The following NAA11 variants were observed in gnomAD, a reference collection of about 807,000 sequenced individuals.
NAA11 encodes the protein N-alpha-acetyltransferase 11, NatA catalytic subunit.
In NAA11, 15 loss-of-function variants were observed where a neutral mutation model predicts 16.1. The ratio of observed to expected loss-of-function variants is 0.93; its 90% CI spans 0.62 to 1.44. NAA11 has a LOEUF of 1.44. NAA11 is among the 40% of genes most tolerant of loss of function. The pLI is 0.00. For missense variants in NAA11, 298 were observed against 291.3 expected (o/e 1.02, Z -0.17); for synonymous variants, 122 against 112.4 (o/e 1.09, Z -0.54).
At chr4:79,204,382 A>G in the NAA11 span, among the ~76,000 whole-genome samples, 1 of 151,860 alleles carries the variant, frequency 6.6e-6, no homozygotes, top group Admixed American at 6.6e-5. Flanking sequence ...ATGGTTAGCG[A>G]AAAATCAGGT....
At chr4:79,203,068 T>C in the NAA11 span, among the ~76,000 whole-genome samples, 1 of 151,350 alleles carries the variant, frequency 6.6e-6, no homozygotes, top group Admixed American at 6.6e-5. Context: ...TTTTCCGGAG[T>C]TTTTAAGTAT....
chr4:79,257,641 G>T (rs1440575807), intron 2 of NAA11, among the ~76,000 whole-genome samples: 1 of 151,356 alleles, frequency 6.6e-6, no homozygotes, highest in South Asian at 2.1e-4. Flanking sequence ...CATTCATTTT[G>T]GTGTTTGATC....
intron 2 of NAA11, among the ~76,000 whole-genome samples, chr4:79,287,356 T>A (rs1722965509): frequency 6.6e-6 from 1 of 152,096 alleles, no homozygotes; most frequent in African/African-American, 2.4e-5. Flanking sequence ...TAGGAAATCA[T>A]AACATCATAA....
chr4:79,260,764 T>G (rs1722230897), intron 2 of NAA11, among the ~76,000 whole-genome samples: 1 of 152,228 alleles, frequency 6.6e-6, no homozygotes, highest in Non-Finnish European at 1.5e-5. Context: ...TTTATAGTCC[T>G]CCAAATGAAG....
At chr4:79,307,019 T>TC (rs1210746202) in intron 1 of NAA11, 1 of 152,208 alleles carries the variant, frequency 6.6e-6, no homozygotes, top group African/African-American at 2.4e-5. Context: ...AACCCAAAAC[T>TC]CCAAGTTATT....
chr4:79,228,572 G>A (rs1721378756), intron 2 of NAA11, among the ~76,000 whole-genome samples: 1 of 105,436 alleles, frequency 9.5e-6, no homozygotes, highest in East Asian at 3.6e-4. Flanking sequence ...ATTGTATGTA[G>A]CTTTTTGTGT....
intron 2 of NAA11, among the ~76,000 whole-genome samples, chr4:79,264,355 A>G (rs1462315018): frequency 6.6e-6 from 1 of 152,190 alleles, no homozygotes; most frequent in Non-Finnish European, 1.5e-5. Flanking sequence ...AAAAATTTGT[A>G]TCATTACCGT....
In NAA11 at chr4:79,253,270, A is replaced by G. The variant is rs1722035012; in HGVS notation, c.*123-27000T>C. Among the ~76,000 whole-genome samples, 4 of 152,330 alleles carry G rather than the reference A, an allele frequency of 2.6e-5. No homozygotes were observed. In the South Asian group the frequency reaches 8.3e-4, roughly 32 times the overall value. Reference sequence around the variant, plus strand: ...TGTGTTACACTTAGATGCCTCTTAGATATTCAAATAGAGTCATCAAATAGG... The same window carrying G: ...TGTGTTACACTTAGATGCCTCTTAGGTATTCAAATAGAGTCATCAAATAGG... On this transcript the variant is annotated intron_variant and NMD_transcript_variant, in intron 2 of 2. Transcript: ENST00000511542.
chr4:79,256,670 TG>T (rs1722120171), intron 2 of NAA11, among the ~76,000 whole-genome samples: 1 of 46,910 alleles, frequency 2.1e-5, no homozygotes, highest in African/African-American at 5.6e-5. Flanking sequence ...ATATATATAT[TG>T]ACACGAGGTC....
chr4:79,294,385 G>A (rs548990818), intron 1 of NAA11, among the ~76,000 whole-genome samples: 18 of 152,244 alleles, frequency 1.2e-4, no homozygotes, highest in Non-Finnish European at 2.4e-4. Flanking sequence ...TTTGTGGAGG[G>A]CACATACTGA....
At chr4:79,179,909 G>A in the NAA11 span, among the ~76,000 whole-genome samples, 2 of 152,158 alleles carry the variant, frequency 1.3e-5, no homozygotes, top group Non-Finnish European at 2.9e-5. Context: ...GAAGGCACAG[G>A]GGAAGCAGAC....
At chr4:79,171,539 A>G in the NAA11 span, among the ~76,000 whole-genome samples, 2 of 152,214 alleles carry the variant, frequency 1.3e-5, no homozygotes, top group Admixed American at 6.6e-5. Flanking sequence ...AAATATGGGC[A>G]AATACAGCAG....
the NAA11 span, among the ~76,000 whole-genome samples, chr4:79,216,388 A>C: frequency 6.6e-6 from 1 of 152,136 alleles, no homozygotes; most frequent in African/African-American, 2.4e-5. Context: ...GACCCAGAAC[A>C]TCTCTTACAT....
At chr4:79,324,136 C>T (rs1724185268) in intron 1 of NAA11, among the ~76,000 whole-genome samples, 1 of 152,012 alleles carries the variant, frequency 6.6e-6, no homozygotes, top group Non-Finnish European at 1.5e-5. Flanking sequence ...TTATCATTGC[C>T]ATTCTTATTT....
the NAA11 span, among the ~76,000 whole-genome samples, chr4:79,188,325 C>T: frequency 1.3e-5 from 2 of 151,890 alleles, no homozygotes; most frequent in African/African-American, 2.4e-5. Context: ...GTGGCTCACG[C>T]CTGTAATCCC....
the NAA11 span, among the ~76,000 whole-genome samples, chr4:79,172,848 T>C: frequency 6.6e-6 from 1 of 152,112 alleles, no homozygotes; most frequent in African/African-American, 2.4e-5. Context: ...AGAATACTAG[T>C]AGATTTAGAA....
downstream of NAA11, among the ~76,000 whole-genome samples, chr4:79,222,481 A>C (rs1474383231): frequency 6.6e-6 from 1 of 150,878 alleles, no homozygotes; most frequent in African/African-American, 2.4e-5. Context: ...TACACCTTAT[A>C]CAAAAATCAA....
intron 2 of NAA11, among the ~76,000 whole-genome samples, chr4:79,251,783 C>T (rs1381003606): frequency 2.0e-5 from 3 of 152,090 alleles, no homozygotes; most frequent in African/African-American, 7.2e-5. Context: ...CTACCAGATC[C>T]ATATGAATAA....
intron 2 of NAA11, among the ~76,000 whole-genome samples, chr4:79,248,316 G>C (rs1050490586): frequency 4.6e-5 from 7 of 151,942 alleles, no homozygotes; most frequent in Non-Finnish European, 1.0e-4. Context: ...TGCTTTGTCA[G>C]TACACACACA....
Sources: gnomAD v4.1 joint callset for allele counts (sites outside exome capture counted in the v4.1 genomes callset) on GRCh38, gnomAD v4.1.1 for gene constraint, MANE v1.5 for transcripts, NCBI Gene and HGNC (gene_info 2026-07-23, HGNC 2026-07-21) for gene names.